TMEM117: variants seen among roughly 807,000 people sequenced by gnomAD.
TMEM117 encodes transmembrane protein 117.
Under a neutral mutation model 52.4 loss-of-function variants are expected in TMEM117, and 27 were observed. The ratio of observed to expected loss-of-function variants is 0.51; its 90% CI spans 0.38 to 0.71. The LOEUF (loss-of-function observed/expected upper bound fraction) is 0.71, where lower values mean the gene tolerates loss of function less well. Among genes scored for constraint, TMEM117 ranks in the 30% least tolerant of loss-of-function variants. The pLI, the probability that TMEM117 is intolerant of heterozygous loss-of-function variation, is 0.00. For missense variants in TMEM117, 556 were observed against 630.5 expected, an observed-to-expected ratio of 0.88 and a Z score of 1.26; for synonymous variants, 215 against 206.3, an observed-to-expected ratio of 1.04 and a Z score of -0.36.
Position 43,993,850 on chromosome 12 carries a change from C to G in TMEM117, c.410+49508C>G, listed in dbSNP as rs10748389. 1.1e-3 allele frequency among the ~76,000 whole-genome samples: 165 copies of G among 152,076 alleles called. 1 individual carries two copies. The highest frequency in any genetic ancestry group is 2.1e-3 in the Non-Finnish European group (144 of 67,992). The stretch of plus-strand genomic sequence containing the variant: ...GATGGGACTACAGGCATGTGCCACC[C>G]TACTCACCTAATTTTTGTATTTTTT... On this transcript the variant is annotated intron_variant, in intron 3 of 7. Transcript: ENST00000266534.
At chr12:44,087,681 TCTCAAACTCCTGGG>T (rs1197329193) in intron 3 of TMEM117, among the ~76,000 whole-genome samples, 2 of 152,068 alleles carry the variant, frequency 1.3e-5, no homozygotes, top group African/African-American at 2.4e-5. Context: ...CCCAGACTGG[TCTCAAACTCCTGGG>T]CTCAAGTGAT....
At chr12:44,059,084 A>G (rs1947100206) in intron 3 of TMEM117, among the ~76,000 whole-genome samples, 1 of 152,160 alleles carries the variant, frequency 6.6e-6, no homozygotes, top group African/African-American at 2.4e-5. Context: ...AATGGGGTTC[A>G]TGCTCCTATG....
intron 3 of TMEM117, among the ~76,000 whole-genome samples, chr12:44,050,002 G>T (rs61933033): frequency 0.042 from 6,352 of 152,246 alleles, 200 homozygotes; most frequent in Non-Finnish European, 0.06. Flanking sequence ...GATTAGCCTG[G>T]GGGATCAAGG....
chr12:44,187,394 A>G (rs1245715420), intron 4 of TMEM117, among the ~76,000 whole-genome samples: 2 of 152,238 alleles, frequency 1.3e-5, no homozygotes, highest in South Asian at 2.1e-4. Flanking sequence ...ATAGTTCTTC[A>G]TATTATGCCT....
chr12:43,839,361 TA>T (rs1265100533), intron 1 of TMEM117, among the ~76,000 whole-genome samples: 1 of 152,172 alleles, frequency 6.6e-6, no homozygotes. Context: ...GATCAGATGC[TA>T]CCTTCTGTAC....
At chr12:44,395,091 A>G in the TMEM117 span, among the ~76,000 whole-genome samples, 1 of 152,234 alleles carries the variant, frequency 6.6e-6, no homozygotes, top group Non-Finnish European at 1.5e-5. Flanking sequence ...AATGTGTAAG[A>G]TGAGACGAAG....
At chr12:43,808,139 G>C in the TMEM117 span, among the ~76,000 whole-genome samples, 1 of 152,198 alleles carries the variant, frequency 6.6e-6, no homozygotes, top group African/African-American at 2.4e-5. Context: ...GCAGATAAGA[G>C]GGTTTATTAT....
chr12:44,192,501 G>A (rs1264572040), intron 4 of TMEM117, among the ~76,000 whole-genome samples: 1 of 152,172 alleles, frequency 6.6e-6, no homozygotes, highest in African/African-American at 2.4e-5. Context: ...TTGTCAAACT[G>A]GGGTGACACT....
chr12:44,390,969 G>A (rs993384471), downstream of TMEM117, among the ~76,000 whole-genome samples: 2 of 151,958 alleles, frequency 1.3e-5, no homozygotes, highest in Admixed American at 1.3e-4. Flanking sequence ...AACTATTAAG[G>A]ACATTTTAAA....
At chr12:43,870,642 G>A (rs1024717704) in intron 2 of TMEM117, among the ~76,000 whole-genome samples, 1 of 152,054 alleles carries the variant, frequency 6.6e-6, no homozygotes, top group African/African-American at 2.4e-5. Context: ...CCCAGTAATG[G>A]GATTGCTGGG....
At chr12:44,311,841 A>ATATATATG (rs1262041538) in intron 6 of TMEM117, among the ~76,000 whole-genome samples, 2 of 80,604 alleles carry the variant, frequency 2.5e-5, no homozygotes, top group African/African-American at 5.3e-5. Context: ...GTATATATGT[A>ATATATATG]TATATATGTA....
At chr12:43,970,437 T>C (rs1344410760) in intron 3 of TMEM117, among the ~76,000 whole-genome samples, 1 of 151,938 alleles carries the variant, frequency 6.6e-6, no homozygotes, top group African/African-American at 2.4e-5. Context: ...TACAGGCATC[T>C]GCCACCACAC....
At chr12:43,952,900 C>T (rs1945247387) in intron 3 of TMEM117, among the ~76,000 whole-genome samples, 2 of 151,984 alleles carry the variant, frequency 1.3e-5, no homozygotes, top group Admixed American at 1.3e-4. Context: ...GAGAAAAAAG[C>T]CAGGTCACCA....
At chr12:43,855,893 G>A (rs1183470425) in intron 2 of TMEM117, among the ~76,000 whole-genome samples, 1 of 152,130 alleles carries the variant, frequency 6.6e-6, no homozygotes, top group African/African-American at 2.4e-5. Flanking sequence ...GAAAAGCATG[G>A]TCAAGGTAGT....
intron 3 of TMEM117, among the ~76,000 whole-genome samples, chr12:44,095,800 C>A (rs1307170895): frequency 6.6e-6 from 1 of 152,100 alleles, no homozygotes; most frequent in East Asian, 1.9e-4. Context: ...CCTTTGAAAA[C>A]TGGCACAAGA....
intron 5 of TMEM117, among the ~76,000 whole-genome samples, chr12:44,254,750 T>G (rs1455064810): frequency 2.0e-5 from 3 of 152,066 alleles, no homozygotes; most frequent in Non-Finnish European, 4.4e-5. Flanking sequence ...GTTGATGTGC[T>G]GCACCCATTA....
intron 6 of TMEM117, among the ~76,000 whole-genome samples, chr12:44,335,644 G>A (rs913593047): frequency 8.6e-5 from 13 of 152,002 alleles, no homozygotes; most frequent in African/African-American, 2.9e-4. Flanking sequence ...TGATTTTCAT[G>A]TATATTGTCT....
intron 2 of TMEM117, among the ~76,000 whole-genome samples, chr12:43,940,773 ACCTCAGGTGATCCGCCTG>A (rs1426128226): frequency 1.3e-5 from 2 of 152,116 alleles, no homozygotes; most frequent in Admixed American, 1.3e-4. Flanking sequence ...CGAACTCCTG[ACCTCAGGTGATCCGCCTG>A]CCTCGGCCTC....
intron 2 of TMEM117, among the ~76,000 whole-genome samples, chr12:43,890,541 T>G (rs894972203): frequency 6.6e-6 from 1 of 152,074 alleles, no homozygotes; most frequent in Non-Finnish European, 1.5e-5. Flanking sequence ...TTTTTTTTGT[T>G]TTTGTTTTTG....
Sources: allele counts gnomAD v4.1 joint callset (sites outside exome capture counted in the v4.1 genomes callset), GRCh38; gene constraint gnomAD v4.1.1; transcripts MANE v1.5; gene names NCBI Gene and HGNC (gene_info 2026-07-23, HGNC 2026-07-21).